The following KLHL2 variants were observed in gnomAD, a reference collection of about 807,000 sequenced individuals.
KLHL2 encodes kelch-like protein 2.
A neutral mutation model predicts 75.8 loss-of-function variants in KLHL2; 15 were observed. The observed-to-expected ratio is 0.20, with a 90% CI of 0.13 to 0.30. The LOEUF is 0.30. Ranked by LOEUF, KLHL2 falls within the 10% of genes least tolerant of loss-of-function variation. The pLI, the probability that KLHL2 is intolerant of heterozygous loss-of-function variation, is 1.00. For missense variants in KLHL2, 381 were observed against 741.0 expected (o/e 0.51, Z 5.64); for synonymous variants, 214 against 251.9 (o/e 0.85, Z 1.42).
intron 4 of KLHL2, among the ~76,000 whole-genome samples, chr4:165,253,452 G>A (rs11730744): frequency 0.051 from 7,789 of 152,262 alleles, 352 homozygotes; most frequent in African/African-American, 0.12. Flanking sequence ...AAAAAAGTTT[G>A]TATATAATCA....
chr4:165,279,259 TCTTTTA>T (rs1460968202), intron 5 of KLHL2: 1 of 1,534,048 alleles, frequency 6.5e-7, no homozygotes, highest in Admixed American at 1.7e-5. Context: ...TTCCTGGAAT[TCTTTTA>T]CTAAGACTCT....
At chr4:165,260,575 T>TG (rs200878439) in intron 4 of KLHL2, among the ~76,000 whole-genome samples, 127 of 149,054 alleles carry the variant, frequency 8.5e-4, no homozygotes, top group East Asian at 3.1e-3. Context: ...TATGTGTGTG[T>TG]GTGGGGGGGG....
At chr4:165,214,959 A>G (rs2110956047) in intron 1 of KLHL2, among the ~76,000 whole-genome samples, 1 of 152,286 alleles carries the variant, frequency 6.6e-6, no homozygotes, top group East Asian at 1.9e-4. Context: ...TTATCTCACA[A>G]GATACCTCAT....
chr4:165,219,746 A>G (rs1287925178), intron 1 of KLHL2, 188 bp from the exon 2 acceptor site: 30 of 1,285,670 alleles, frequency 2.3e-5, no homozygotes, highest in Non-Finnish European at 2.9e-5. Context: ...TTTTAATTGA[A>G]ACCATAGTGT....
At chr4:165,225,574 T>C (rs1262374681) in intron 2 of KLHL2, among the ~76,000 whole-genome samples, 2 of 152,212 alleles carry the variant, frequency 1.3e-5, no homozygotes, top group Non-Finnish European at 1.5e-5. Flanking sequence ...GCATATGGGC[T>C]GCTAAAAGAA....
chr4:165,226,351 T>G (rs1012609497), intron 2 of KLHL2, among the ~76,000 whole-genome samples: 10 of 152,190 alleles, frequency 6.6e-5, no homozygotes, highest in Non-Finnish European at 8.8e-5. Context: ...TAGTACATCA[T>G]GTTCTCTTTG....
At chr4:165,242,842 G>A (rs1253381875) in intron 4 of KLHL2, among the ~76,000 whole-genome samples, 1 of 152,182 alleles carries the variant, frequency 6.6e-6, no homozygotes, top group African/African-American at 2.4e-5. Context: ...ATATAAGTGT[G>A]TGTGAGTCTG....
intron 6 of KLHL2, among the ~76,000 whole-genome samples, chr4:165,296,342 G>C (rs1431091812): frequency 6.6e-6 from 1 of 152,196 alleles, no homozygotes; most frequent in African/African-American, 2.4e-5. Context: ...GTTTCTCATG[G>C]TGTGGTGGTT....
chr4:165,265,927 A>G (rs535568239), intron 5 of KLHL2, among the ~76,000 whole-genome samples: 4 of 152,048 alleles, frequency 2.6e-5, no homozygotes, highest in Non-Finnish European at 4.4e-5. Flanking sequence ...ACTAATTTAC[A>G]CTCCCACCAA....
At position 165,244,917 on chromosome 4, in the gene KLHL2, G is replaced by A. The variant is rs549675988; in HGVS notation, c.381+6018G>A. Among the ~76,000 whole-genome samples the A allele has an allele frequency of 3.3e-5, 5 of 152,240 alleles. No individual in the cohort carries two copies. In the East Asian group the frequency reaches 9.7e-4, roughly 29 times the overall value. On this transcript the variant is annotated intron_variant, in intron 4 of 14. Coordinates refer to ENST00000226725, the MANE Select transcript of KLHL2 (RefSeq NM_007246.4). ...TTTCAAAAAATAATTTTAAAACTGAGGGTAGGCTGGGCACAGTGGCTCATG... is the reference window on the plus strand; with the variant it reads ...TTTCAAAAAATAATTTTAAAACTGAAGGTAGGCTGGGCACAGTGGCTCATG...
chr4:165,220,731 T>C (rs931477937), intron 2 of KLHL2, among the ~76,000 whole-genome samples: 20 of 152,104 alleles, frequency 1.3e-4, no homozygotes, highest in Admixed American at 7.2e-4. Context: ...GAAAGAAACT[T>C]TTAGAGAAAA....
chr4:165,317,288 A>G (rs1746656418), intron 13 of KLHL2, among the ~76,000 whole-genome samples: 1 of 151,956 alleles, frequency 6.6e-6, no homozygotes, highest in South Asian at 2.1e-4. Flanking sequence ...TAATGCATAT[A>G]TAAAGTAACT....
At chr4:165,270,690 G>A (rs538221488) in intron 5 of KLHL2, among the ~76,000 whole-genome samples, 22 of 152,262 alleles carry the variant, frequency 1.4e-4, no homozygotes, top group Admixed American at 1.2e-3. Context: ...CCTCCCTCTG[G>A]AAGCTTCATC....
chr4:165,265,255 C>A (rs1742154282), intron 5 of KLHL2, among the ~76,000 whole-genome samples: 1 of 151,868 alleles, frequency 6.6e-6, no homozygotes, highest in Admixed American at 6.6e-5. Context: ...TGTTTGAGTT[C>A]CTTTTAGATT....
At chr4:165,265,780 C>T (rs1560785412) in intron 5 of KLHL2, among the ~76,000 whole-genome samples, 1 of 152,048 alleles carries the variant, frequency 6.6e-6, no homozygotes, top group Non-Finnish European at 1.5e-5. Context: ...TCGCAATAAA[C>T]ATGTGTGCGT....
At chr4:165,302,210 GTGTT>G (rs1405640157) in intron 8 of KLHL2, among the ~76,000 whole-genome samples, 1 of 152,138 alleles carries the variant, frequency 6.6e-6, no homozygotes, top group Non-Finnish European at 1.5e-5. Flanking sequence ...CCTTCTCAGT[GTGTT>G]TGTTTATCCA....
At chr4:165,221,505 C>T (rs1737990395) in intron 2 of KLHL2, among the ~76,000 whole-genome samples, 1 of 152,106 alleles carries the variant, frequency 6.6e-6, no homozygotes, top group African/African-American at 2.4e-5. Flanking sequence ...TGCTGCAGTG[C>T]ACGTGGCGGT....
chr4:165,277,609 T>C (rs548781091), intron 5 of KLHL2, among the ~76,000 whole-genome samples: 166 of 152,324 alleles, frequency 1.1e-3, no homozygotes, highest in Non-Finnish European at 1.9e-3. Context: ...CAGTAGTGTT[T>C]GAGTATGTTT....
At chr4:165,235,569 G>A (rs1405485426) in intron 3 of KLHL2, among the ~76,000 whole-genome samples, 1 of 152,122 alleles carries the variant, frequency 6.6e-6, no homozygotes, top group African/African-American at 2.4e-5. Context: ...TATCTAACCA[G>A]TATTTATTGG....
Sources: allele counts gnomAD v4.1 joint callset (sites outside exome capture counted in the v4.1 genomes callset), GRCh38; gene constraint gnomAD v4.1.1; transcripts MANE v1.5; gene names NCBI Gene and HGNC (gene_info 2026-07-23, HGNC 2026-07-21).